The following BID variants were observed in gnomAD, a reference collection of about 807,000 sequenced individuals.
BID encodes BH3-interacting domain death agonist.
In BID, 19 loss-of-function variants were observed where a neutral mutation model predicts 17.4. That is an observed-to-expected ratio of 1.09 (90% CI 0.76 to 1.60). BID has a LOEUF of 1.60. BID is among the 40% of genes most tolerant of loss of function. The pLI is 0.00. For synonymous variants in BID, 108 were observed against 102.8 expected, an observed-to-expected ratio of 1.05 and a Z score of -0.31; for missense variants, 226 against 256.0, an observed-to-expected ratio of 0.88 and a Z score of 0.80.
Position 17,773,784 on chromosome 22 carries a change from A to G in BID, c.-59+597T>C. 2 of 1,183,310 alleles carry G rather than the reference A, an allele frequency of 1.7e-6. No homozygotes were observed. The highest frequency in any genetic ancestry group is 2.4e-6 in the Non-Finnish European group (2 of 827,548). The allele number at this position is 1,183,310 out of a possible 1,614,324, so 73.3% of individuals were successfully genotyped here. A position where few individuals can be genotyped will look rare whatever the true frequency, so the allele number is the denominator to read the frequency against. On this transcript the variant is annotated intron_variant, in intron 1 of 5. Coordinates refer to ENST00000622694, the MANE Select transcript of BID (RefSeq NM_001196.4). This position sits in a 1 kb window ranked among gnomAD's most constrained non-coding sequence, Gnocchi z 4.4. ...CTCCCAGGGTCCCCTGGGGTCATTC[A>G]GCCACTCAACAGTTTCCCAGCAGCA...
chr22:17,757,516 G>A (rs1377942142), intron 1 of BID, among the ~76,000 whole-genome samples: 1 of 151,408 alleles, frequency 6.6e-6, no homozygotes, highest in Non-Finnish European at 1.5e-5. Flanking sequence ...AGACCATCCT[G>A]GCTAACACGG....
chr22:17,753,208 C>T (rs1240338837), intron 1 of BID, among the ~76,000 whole-genome samples: 5 of 152,156 alleles, frequency 3.3e-5, no homozygotes, highest in African/African-American at 7.2e-5. Flanking sequence ...CCTCATGATC[C>T]GCCCGCCTCA....
chr22:17,773,881 C>T lies in BID; in HGVS notation c.-59+500G>A, dbSNP rs2061739690. ...AGCCCCAGTAAGCGGCCGCTCTGAC[C>T]GCGCTTTGTCAGCCCTGAGCTCCGC... On this transcript the variant is annotated intron_variant, in intron 1 of 5. Coordinates refer to ENST00000622694, the MANE Select transcript of BID (RefSeq NM_001196.4). The surrounding 1 kb of genome is among the most constrained non-coding windows in gnomAD (Gnocchi z 4.4). 3.2e-6 allele frequency: 2 copies of T among 627,162 alleles called. No individual in the cohort carries two copies. Among genetic ancestry groups the T allele is most frequent in the African/African-American group, 3.7e-5 (2 of 54,390 alleles). 38.8% of individuals were successfully genotyped at this position (627,162 alleles called of 1,614,324 possible). A position where few individuals can be genotyped will look rare whatever the true frequency, so the allele number is the denominator to read the frequency against.
intron 1 of BID, among the ~76,000 whole-genome samples, chr22:17,766,480 C>A (rs2061679393): frequency 6.6e-6 from 1 of 151,978 alleles, no homozygotes; most frequent in Non-Finnish European, 1.5e-5. Flanking sequence ...GGGGTTTCTC[C>A]ATGTTGGCCT....
intron 1 of BID, among the ~76,000 whole-genome samples, chr22:17,750,561 G>T (rs1016663464): frequency 8.5e-5 from 13 of 152,236 alleles, no homozygotes; most frequent in African/African-American, 3.1e-4. Flanking sequence ...GGACGCAGTA[G>T]CTCATGCCTG....
chr22:17,764,822 A>G (rs1235453361), intron 1 of BID, among the ~76,000 whole-genome samples: 3 of 152,282 alleles, frequency 2.0e-5, no homozygotes, highest in East Asian at 3.9e-4. Context: ...CTTCAAACCC[A>G]TGGGGAATGG....
intron 1 of BID, among the ~76,000 whole-genome samples, chr22:17,759,564 C>CA (rs1178534844): frequency 6.6e-6 from 1 of 151,726 alleles, no homozygotes; most frequent in Non-Finnish European, 1.5e-5. Flanking sequence ...AACAAACAAA[C>CA]AAAAAACAGA....
chr22:17,757,772 G>A (rs2061604978), intron 1 of BID, among the ~76,000 whole-genome samples: 3 of 152,204 alleles, frequency 2.0e-5, no homozygotes, highest in East Asian at 1.9e-4. Flanking sequence ...GTGCCTGTGC[G>A]AGTGAAGCCC....
rs1046055916 is a variant in BID, at chr22:17,769,989, AC to A, written c.-59+4391del. On this transcript the variant is annotated intron_variant, in intron 1 of 5. Transcript: ENST00000622694. This position sits in a 1 kb window ranked among gnomAD's most constrained non-coding sequence, Gnocchi z 4.8. ...CGGGGATGGCCACCTTCCTGGACTT[AC>A]CCCCAGGAGGGACACGCTGCTGCCT... Among the ~76,000 whole-genome samples the A allele has an allele frequency of 2.0e-5, 3 of 151,892 alleles. No homozygotes were observed. Among genetic ancestry groups the A allele is most frequent in the African/African-American group, 4.8e-5 (2 of 41,394 alleles).
intron 3 of BID, 142 bp from the exon 4 acceptor site, chr22:17,739,630 C>A: frequency 1.8e-6 from 2 of 1,134,480 alleles, no homozygotes; most frequent in Non-Finnish European, 2.5e-6. Flanking sequence ...TCCACTCCAC[C>A]AGGGCCACAG....
rs1240544292 is a variant in BID, at chr22:17,735,277, G to C, written c.*303C>G. ...GCTTTCCAATTTAATTTTTAAGTGG[G>C]AACCTGCACAGTGGAAATAAAGGCA... is the stretch of plus-strand genomic sequence containing the variant. On this transcript the variant is annotated 3_prime_UTR_variant, in exon 6 of 6. Transcript: ENST00000622694. 1 of 345,224 alleles carries C rather than the reference G, an allele frequency of 2.9e-6. No homozygotes were observed. Among genetic ancestry groups the C allele is most frequent in the East Asian group, 5.3e-5 (1 of 18,972 alleles). 21.4% of individuals were successfully genotyped at this position (345,224 alleles called of 1,614,324 possible).
intron 1 of BID, among the ~76,000 whole-genome samples, chr22:17,755,671 C>T (rs1447529547): frequency 6.6e-6 from 1 of 151,596 alleles, no homozygotes. Flanking sequence ...TGTGGTGGCG[C>T]GTACCTGTAA....
chr22:17,760,614 T>C (rs538351680), intron 1 of BID, among the ~76,000 whole-genome samples: 14 of 152,124 alleles, frequency 9.2e-5, no homozygotes, highest in Non-Finnish European at 1.8e-4. Context: ...ACCACCACAA[T>C]TCAGTTCCCT....
At chr22:17,766,280 TTC>T (rs1308308969) in intron 1 of BID, among the ~76,000 whole-genome samples, 1 of 149,212 alleles carries the variant, frequency 6.7e-6, no homozygotes, top group Non-Finnish European at 1.5e-5. Context: ...ATTTCTTTCT[TTC>T]TTTTTTTTTT....
chr22:17,760,997 A>T (rs1002594923), intron 1 of BID, among the ~76,000 whole-genome samples: 1 of 152,250 alleles, frequency 6.6e-6, no homozygotes, highest in Non-Finnish European at 1.5e-5. Context: ...TTCCATGAAT[A>T]ACATTTACAC....
At position 17,734,302 on chromosome 22, in the gene BID, T is replaced by C; in HGVS notation, c.*1278A>G. On this transcript the variant is annotated 3_prime_UTR_variant, in exon 6 of 6. Transcript: ENST00000622694. The stretch of plus-strand genomic sequence containing the variant: ...GAGTTTGTTTTTCCTTTCTGATGAT[T>C]TTAAACTCTTAAAGAACAGGAAAGC... 6.7e-6 allele frequency: 1 copy of C among 148,868 alleles called. No individual in the cohort carries two copies. The highest frequency in any genetic ancestry group is 2.4e-5 in the African/African-American group (1 of 41,464). The allele number at this position is 148,868 out of a possible 1,614,324, so 9.2% of individuals were successfully genotyped here.
At chr22:17,745,733 C>T (rs997296428) in intron 2 of BID, among the ~76,000 whole-genome samples, 2 of 151,520 alleles carry the variant, frequency 1.3e-5, no homozygotes, top group Non-Finnish European at 2.9e-5. Context: ...TTTGGGAGGC[C>T]GAGGCGGGCG....
At position 17,735,487 on chromosome 22, in the gene BID, T is replaced by C; in HGVS notation, c.*93A>G. On this transcript the variant is annotated 3_prime_UTR_variant, in exon 6 of 6. Coordinates refer to ENST00000622694, the MANE Select transcript of BID (RefSeq NM_001196.4). ...TCCAGCCTGTCTTCTCTAGGAACGC[T>C]GTTGACATGCCAGGGCTCCGTCTAC... is the stretch of plus-strand genomic sequence containing the variant. The C allele has an allele frequency of 6.8e-7, 1 of 1,472,798 alleles. No individual in the cohort carries two copies. Among genetic ancestry groups the C allele is most frequent in the Non-Finnish European group, 9.5e-7 (1 of 1,054,144 alleles). The allele number at this position is 1,472,798 out of a possible 1,614,324, so 91.2% of individuals were successfully genotyped here. A position where few individuals can be genotyped will look rare whatever the true frequency, so the allele number is the denominator to read the frequency against.
At chr22:17,739,630 C>G in intron 3 of BID, 142 bp from the exon 4 acceptor site, 1 of 1,134,480 alleles carries the variant, frequency 8.8e-7, no homozygotes, top group South Asian at 1.5e-5. Context: ...TCCACTCCAC[C>G]AGGGCCACAG....
Sources: gnomAD v4.1 joint callset for allele counts (sites outside exome capture counted in the v4.1 genomes callset) on GRCh38, gnomAD v4.1.1 for gene constraint, Gnocchi (gnomAD v3.1) non-coding constraint, MANE v1.5 for transcripts, NCBI Gene and HGNC (gene_info 2026-07-23, HGNC 2026-07-21) for gene names.